Variants in MGST1 observed in about 807,000 individuals in gnomAD.
MGST1 encodes the protein microsomal glutathione S-transferase 1.
Under a neutral mutation model 8.9 loss-of-function variants are expected in MGST1, and 5 were observed. The observed-to-expected ratio is 0.56, with a 90% CI of 0.29 to 1.19. The LOEUF is 1.19. Ranked by LOEUF, MGST1 falls within the 50% of genes most tolerant of loss-of-function variation. The pLI is 0.08. For synonymous variants in MGST1, 54 were observed against 67.8 expected (o/e 0.80, Z 1.00); for missense variants, 182 against 187.4 (o/e 0.97, Z 0.17).
At chr12:16,480,922 C>CA (rs1208876619) in intron 4 of MGST1, among the ~76,000 whole-genome samples, 4 of 151,634 alleles carry the variant, frequency 2.6e-5, no homozygotes, top group Admixed American at 2.0e-4. Flanking sequence ...GACAAACAAA[C>CA]AAAAAAACAA....
intron 1 of MGST1, among the ~76,000 whole-genome samples, chr12:16,431,333 G>A (rs550599384): frequency 1.9e-4 from 29 of 152,078 alleles, no homozygotes; most frequent in South Asian, 6.2e-4. Flanking sequence ...AGAACTTTTC[G>A]TTTGCATTCA....
rs1012667841 is a variant in MGST1, at chr12:16,560,607, G to C, written n.483-28921G>C. On this transcript the variant is annotated intron_variant and non_coding_transcript_variant, in intron 4 of 4. Transcript: ENST00000538857. The surrounding 1 kb of genome is among the most constrained non-coding windows in gnomAD (Gnocchi z 5.0). ...GAAATCTGAGATCGTGAAGAGAGAT[G>C]ATGTTAATATACTCTGTAAAGCTAC... 50 of 1,401,182 alleles carry C rather than the reference G, an allele frequency of 3.6e-5. No homozygotes were observed. Among genetic ancestry groups the C allele is most frequent in the Non-Finnish European group, 4.6e-5 (46 of 1,004,264 alleles). The allele number at this position is 1,401,182 out of a possible 1,614,324, so 86.8% of individuals were successfully genotyped here.
At chr12:16,487,506 C>T (rs111233084) in intron 4 of MGST1, among the ~76,000 whole-genome samples, 30 of 151,818 alleles carry the variant, frequency 2.0e-4, no homozygotes, top group African/African-American at 6.0e-4. Context: ...TACTGGTGCA[C>T]GTAGACATTT....
chr12:16,526,968 C>T (rs1289266916), intron 4 of MGST1, among the ~76,000 whole-genome samples: 6 of 151,968 alleles, frequency 3.9e-5, no homozygotes, highest in Admixed American at 3.3e-4. Flanking sequence ...TCATGATCTA[C>T]AATAAGCTAT....
intron 1 of MGST1, among the ~76,000 whole-genome samples, chr12:16,388,769 T>G (rs1208147623): frequency 6.6e-6 from 1 of 152,208 alleles, no homozygotes; most frequent in African/African-American, 2.4e-5. Context: ...TTCTACATCC[T>G]TAAATTAAAA....
chr12:16,482,613 A>G lies in MGST1; in HGVS notation n.482+99009A>G, dbSNP rs1394228805. ...GCCACTGCACTCCAGCCTGGGTTAC[A>G]GAGCAAGACTCTGTCTGGAAGAAAA... On this transcript the variant is annotated intron_variant and non_coding_transcript_variant, in intron 4 of 4. Coordinates refer to the MGST1 transcript ENST00000538857. This position sits in a 1 kb window ranked among gnomAD's most constrained non-coding sequence, Gnocchi z 4.2. Among the ~76,000 whole-genome samples the G allele has an allele frequency of 5.4e-5, 8 of 149,488 alleles. No individual in the cohort carries two copies. The South Asian group carries it at 1.5e-3, about 29-fold the overall frequency.
intron 1 of MGST1, among the ~76,000 whole-genome samples, chr12:16,416,847 A>G (rs1940791474): frequency 6.6e-6 from 1 of 152,220 alleles, no homozygotes; most frequent in African/African-American, 2.4e-5. Context: ...TTGAAAGTTC[A>G]TTGTTGAAAA....
chr12:16,454,800 A>G (rs763624405), intron 4 of MGST1, among the ~76,000 whole-genome samples: 6 of 149,560 alleles, frequency 4.0e-5, no homozygotes, highest in Non-Finnish European at 8.9e-5. Flanking sequence ...GGGAAAATTC[A>G]AGGCATCAAA....
chr12:16,450,432 T>G (rs147066466), intron 4 of MGST1, among the ~76,000 whole-genome samples: 322 of 152,038 alleles, frequency 2.1e-3, no homozygotes, highest in African/African-American at 7.5e-3. Flanking sequence ...GAGCCACTAA[T>G]TGTTCTTGAT....
intron 4 of MGST1, among the ~76,000 whole-genome samples, chr12:16,496,511 C>T (rs1185746406): frequency 6.6e-6 from 1 of 151,982 alleles, no homozygotes; most frequent in Non-Finnish European, 1.5e-5. Flanking sequence ...TTCAGGGGTA[C>T]TTTGTTACCT....
chr12:16,392,882 G>A (rs552825376), intron 1 of MGST1, among the ~76,000 whole-genome samples: 1 of 151,988 alleles, frequency 6.6e-6, no homozygotes, highest in African/African-American at 2.4e-5. Flanking sequence ...ATAATTACTT[G>A]TATCTGTATC....
intron 1 of MGST1, among the ~76,000 whole-genome samples, chr12:16,394,831 A>G (rs1388114586): frequency 6.6e-6 from 1 of 152,074 alleles, no homozygotes; most frequent in Admixed American, 6.6e-5. Context: ...TCTTAGCCTC[A>G]GGTGATCCAC....
In MGST1 at chr12:16,584,211, T is replaced by C. The variant is rs534546684; in HGVS notation, n.483-5317T>C. Among the ~76,000 whole-genome samples, 4 of 152,170 alleles carry C rather than the reference T, an allele frequency of 2.6e-5. No individual in the cohort carries two copies. Among genetic ancestry groups the C allele is most frequent in the African/African-American group, 9.6e-5 (4 of 41,524 alleles). On this transcript the variant is annotated intron_variant and non_coding_transcript_variant, in intron 4 of 4. Coordinates refer to the MGST1 transcript ENST00000538857. This position sits in a 1 kb window ranked among gnomAD's most constrained non-coding sequence, Gnocchi z 5.2. ...TGTACGAGTTTTGTTGGAGGATGCA[T>C]TTTTTAGTAGTGAGTGGGGAGAGTT...
intron 3 of MGST1, among the ~76,000 whole-genome samples, chr12:16,375,168 A>C (rs1026251701): frequency 6.6e-6 from 1 of 152,184 alleles, no homozygotes; most frequent in Non-Finnish European, 1.5e-5. Context: ...GGAGTGAGCC[A>C]CTGCACCCTG....
rs565081195 is a variant in MGST1, at chr12:16,480,555, C to A, written n.482+96951C>A. Among the ~76,000 whole-genome samples the A allele has an allele frequency of 3.9e-5, 6 of 152,220 alleles. No homozygotes were observed. In the South Asian group the frequency reaches 6.2e-4, roughly 16 times the overall value. ...TTATATACAGAATGCATAAAGAACT[C>A]TTAAAAGTCAATAATAAAAAGGCTA... is the stretch of plus-strand genomic sequence containing the variant. On this transcript the variant is annotated intron_variant and non_coding_transcript_variant, in intron 4 of 4. Coordinates refer to the MGST1 transcript ENST00000538857.
At chr12:16,445,058 C>T (rs1029017943) in intron 4 of MGST1, among the ~76,000 whole-genome samples, 3 of 151,646 alleles carry the variant, frequency 2.0e-5, no homozygotes, top group Non-Finnish European at 2.9e-5. Context: ...ATAAAGTCTG[C>T]TTGATTTTGA....
At position 16,361,136 on chromosome 12, in the gene MGST1, TG is replaced by T. The variant is rs1243023767; in HGVS notation, c.222-2656del. ...AAAGAGGAGAGAAGTCTCATCAATTTGGGAAAATTCCTTTGTGAGAATGTGA... is the reference window on the plus strand; with the variant it reads ...AAAGAGGAGAGAAGTCTCATCAATTTGGAAAATTCCTTTGTGAGAATGTGA... On this transcript the variant is annotated intron_variant, in intron 3 of 3. Transcript: ENST00000396210. The surrounding 1 kb of genome is among the most constrained non-coding windows in gnomAD (Gnocchi z 4.2). Among the ~76,000 whole-genome samples the T allele has an allele frequency of 6.6e-6, 1 of 152,176 alleles. No homozygotes were observed. The highest frequency in any genetic ancestry group is 6.5e-5 in the Admixed American group (1 of 15,284).
chr12:16,388,999 A>G (rs1419617826), intron 1 of MGST1, among the ~76,000 whole-genome samples: 1 of 152,234 alleles, frequency 6.6e-6, no homozygotes, highest in Non-Finnish European at 1.5e-5. Flanking sequence ...TAGAGAAGGA[A>G]TGCTTCTTGA....
At chr12:16,422,880 C>T (rs114545741) in intron 1 of MGST1, among the ~76,000 whole-genome samples, 1 of 152,108 alleles carries the variant, frequency 6.6e-6, no homozygotes, top group Admixed American at 6.6e-5. Context: ...TCCCTTGATG[C>T]TAAGGTTGTC....
Sources: gnomAD v4.1 joint callset for allele counts (sites outside exome capture counted in the v4.1 genomes callset) on GRCh38, gnomAD v4.1.1 for gene constraint, Gnocchi (gnomAD v3.1) non-coding constraint, MANE v1.5 for transcripts, NCBI Gene and HGNC (gene_info 2026-07-23, HGNC 2026-07-21) for gene names.